The following POU6F2 variants were observed in gnomAD, a reference collection of about 807,000 sequenced individuals.
POU6F2 encodes POU domain, class 6, transcription factor 2.
POU6F2 carries 31 observed loss-of-function variants against 71.3 expected under a neutral mutation model. That is an observed-to-expected ratio of 0.43 (90% CI 0.33 to 0.59). The LOEUF (loss-of-function observed/expected upper bound fraction) is 0.59. POU6F2 is among the 20% of genes least tolerant of loss of function. POU6F2 has a pLI of 0.04. For synonymous variants in POU6F2, 347 were observed against 355.7 expected (o/e 0.98, Z 0.27); for missense variants, 783 against 856.8 (o/e 0.91, Z 1.07).
At chr7:39,218,660 C>T (rs548993853) in intron 4 of POU6F2, among the ~76,000 whole-genome samples, 1 of 152,070 alleles carries the variant, frequency 6.6e-6, no homozygotes, top group South Asian at 2.1e-4. Flanking sequence ...GAAACCATTG[C>T]AGGAATCCAA....
At chr7:39,136,636 T>G (rs1264539156) in intron 2 of POU6F2, among the ~76,000 whole-genome samples, 1 of 152,174 alleles carries the variant, frequency 6.6e-6, no homozygotes, top group African/African-American at 2.4e-5. Context: ...GAGTGCTTTT[T>G]GTCTCAATGA....
At position 39,061,511 on chromosome 7, in the gene POU6F2, T is replaced by C. The variant is rs188547858; in HGVS notation, c.106-24349T>C. 2.6e-5 allele frequency among the ~76,000 whole-genome samples: 4 copies of C among 152,340 alleles called. No individual in the cohort carries two copies. The East Asian group carries it at 5.8e-4, about 22-fold the overall frequency. ...TTTAAATGAATCTTTTACCAATTCA[T>C]AATTTTGCAATATCATGCAACTGGT... On this transcript the variant is annotated intron_variant, in intron 1 of 9. Transcript: ENST00000518318.
intron 4 of POU6F2, among the ~76,000 whole-genome samples, chr7:39,332,808 G>A (rs79025640): frequency 5.6e-4 from 85 of 152,198 alleles, no homozygotes; most frequent in Non-Finnish European, 1.2e-3. Context: ...ATCTTGGTTG[G>A]CACTCAGTAG....
intron 5 of POU6F2, among the ~76,000 whole-genome samples, chr7:39,375,103 G>C (rs963245324): frequency 6.6e-6 from 1 of 152,108 alleles, no homozygotes; most frequent in Non-Finnish European, 1.5e-5. Flanking sequence ...CATTTGGGGA[G>C]GTTTTGGGAG....
chr7:39,441,822 G>A (rs1338361847), intron 7 of POU6F2, among the ~76,000 whole-genome samples: 1 of 152,154 alleles, frequency 6.6e-6, no homozygotes, highest in Non-Finnish European at 1.5e-5. Flanking sequence ...AAGCTGGAGT[G>A]TACACTAACA....
intron 1 of POU6F2, among the ~76,000 whole-genome samples, chr7:39,054,990 G>C (rs1354635443): frequency 1.3e-5 from 2 of 151,992 alleles, no homozygotes; most frequent in African/African-American, 4.8e-5. Context: ...AGTCTCCGGT[G>C]GGGGAGATAA....
rs1178176700 is a variant in POU6F2, at chr7:39,464,935, GGT to G, written c.*257_*258del. On this transcript the variant is annotated 3_prime_UTR_variant, in exon 10 of 10. Transcript: ENST00000518318. The surrounding 1 kb of genome is among the most constrained non-coding windows in gnomAD (Gnocchi z 4.1). ...TAAACAAGGAATACACCACACTGAA[GGT>G]GTGTGTGGTAGGATAGTTCCCTTCC... 1.2e-5 allele frequency: 6 copies of G among 507,746 alleles called. No individual in the cohort carries two copies. The East Asian group carries it at 1.7e-4, about 14-fold the overall frequency. 31.5% of individuals were successfully genotyped at this position (507,746 alleles called of 1,614,324 possible).
chr7:39,383,273 A>G (rs917356790), intron 5 of POU6F2, among the ~76,000 whole-genome samples: 7 of 152,208 alleles, frequency 4.6e-5, no homozygotes, highest in African/African-American at 1.7e-4. Flanking sequence ...CATGCACAAG[A>G]TTAAAATTGT....
At chr7:39,025,211 A>G (rs938238545) in intron 1 of POU6F2, among the ~76,000 whole-genome samples, 3 of 152,098 alleles carry the variant, frequency 2.0e-5, no homozygotes, top group African/African-American at 4.8e-5. Context: ...CAGAGATTCA[A>G]CTTCTTCCTG....
chr7:39,205,781 G>C (rs1793999019), intron 3 of POU6F2, among the ~76,000 whole-genome samples: 1 of 152,196 alleles, frequency 6.6e-6, no homozygotes, highest in Admixed American at 6.5e-5. Flanking sequence ...AAACTCAGCT[G>C]TGCAGAATCC....
At chr7:39,014,431 A>C (rs1329580323) in intron 1 of POU6F2, among the ~76,000 whole-genome samples, 1 of 152,232 alleles carries the variant, frequency 6.6e-6, no homozygotes, top group African/African-American at 2.4e-5. Flanking sequence ...AATTAATTTT[A>C]CAGAAATGAT....
intron 2 of POU6F2, among the ~76,000 whole-genome samples, chr7:39,192,377 G>A (rs543623593): frequency 1.6e-4 from 24 of 152,248 alleles, no homozygotes; most frequent in African/African-American, 5.5e-4. Context: ...TGGTGCTTTG[G>A]CTACTTTTGT....
chr7:39,046,954 A>ACTGT (rs1251795833), intron 1 of POU6F2, among the ~76,000 whole-genome samples: 1 of 151,936 alleles, frequency 6.6e-6, no homozygotes, highest in African/African-American at 2.4e-5. Context: ...TTGTTAACAG[A>ACTGT]CTGTCATTCC....
At chr7:39,050,577 T>G (rs12701691) in intron 1 of POU6F2, among the ~76,000 whole-genome samples, 38,954 of 152,050 alleles carry the variant, frequency 0.26, 5,970 homozygotes, top group East Asian at 0.73. Flanking sequence ...GTTGGCCCAT[T>G]AGGGCCTCAA....
intron 1 of POU6F2, among the ~76,000 whole-genome samples, chr7:38,994,547 G>C (rs1788686908): frequency 6.6e-6 from 1 of 152,136 alleles, no homozygotes; most frequent in Non-Finnish European, 1.5e-5. Context: ...ATACATGAAT[G>C]CTCCTCACCA....
intron 4 of POU6F2, among the ~76,000 whole-genome samples, chr7:39,276,700 C>T (rs956926718): frequency 3.3e-5 from 5 of 152,054 alleles, no homozygotes; most frequent in African/African-American, 1.2e-4. Context: ...GGCACATATA[C>T]ACCATGGAAT....
At chr7:39,078,048 T>C (rs939544940) in intron 1 of POU6F2, among the ~76,000 whole-genome samples, 1 of 152,176 alleles carries the variant, frequency 6.6e-6, no homozygotes, top group Non-Finnish European at 1.5e-5. Flanking sequence ...AACTACCATA[T>C]GGTTAGAGAT....
At chr7:39,409,838 C>T (rs930993484) in intron 6 of POU6F2, among the ~76,000 whole-genome samples, 2 of 152,206 alleles carry the variant, frequency 1.3e-5, no homozygotes, top group Non-Finnish European at 2.9e-5. Context: ...AACTGGATAT[C>T]AGTAAATTTA....
At chr7:39,317,920 C>G (rs148781806) in intron 4 of POU6F2, among the ~76,000 whole-genome samples, 2 of 152,128 alleles carry the variant, frequency 1.3e-5, no homozygotes, top group Non-Finnish European at 2.9e-5. Flanking sequence ...CAAAGGAATC[C>G]TCAAATTACT....
Sources: gnomAD v4.1 joint callset for allele counts (sites outside exome capture counted in the v4.1 genomes callset) on GRCh38, gnomAD v4.1.1 for gene constraint, Gnocchi (gnomAD v3.1) non-coding constraint, MANE v1.5 for transcripts, NCBI Gene and HGNC (gene_info 2026-07-23, HGNC 2026-07-21) for gene names.